BMPR1B: variants seen among roughly 807,000 people sequenced by gnomAD.
The protein encoded by BMPR1B is bone morphogenetic protein receptor type 1B.
Under a neutral mutation model 59.1 loss-of-function variants are expected in BMPR1B, and 12 were observed. That is an observed-to-expected ratio of 0.20 (90% confidence interval 0.13 to 0.33). The LOEUF (loss-of-function observed/expected upper bound fraction) is 0.33. Among genes scored for constraint, BMPR1B ranks in the 10% least tolerant of loss-of-function variants. The pLI is 1.00. For missense variants in BMPR1B, 550 were observed against 610.9 expected, an observed-to-expected ratio of 0.90 and a Z score of 1.05; for synonymous variants, 237 against 207.3, an observed-to-expected ratio of 1.14 and a Z score of -1.23.
chr4:95,077,384 G>A (rs980412515), intron 3 of BMPR1B, among the ~76,000 whole-genome samples: 6 of 152,096 alleles, frequency 3.9e-5, no homozygotes, highest in African/African-American at 9.7e-5. Flanking sequence ...GCCAGGCTCC[G>A]TTAAGAGTTA....
chr4:95,085,924 C>G (rs1235815028), intron 3 of BMPR1B, among the ~76,000 whole-genome samples: 1 of 151,932 alleles, frequency 6.6e-6, no homozygotes, highest in East Asian at 1.9e-4. Flanking sequence ...CAAGAAGAGA[C>G]AGGTTTTGTG....
intron 9 of BMPR1B, among the ~76,000 whole-genome samples, chr4:95,130,723 CTTTTTTTTTTTTTT>C (rs148720302): frequency 3.8e-5 from 3 of 77,930 alleles, no homozygotes; most frequent in Non-Finnish European, 6.7e-5. Context: ...CTTTTCTTTT[CTTTTTTTTTTTTTT>C]TTTTTTTTTT....
intron 2 of BMPR1B, among the ~76,000 whole-genome samples, chr4:94,911,351 G>C (rs1402627531): frequency 6.6e-6 from 1 of 152,068 alleles, no homozygotes; most frequent in African/African-American, 2.4e-5. Flanking sequence ...GCTGCCAGGT[G>C]GTAATGCCTG....
intron 2 of BMPR1B, among the ~76,000 whole-genome samples, chr4:94,993,760 C>CAAAAAAAAAAAAAA (rs34395946): frequency 1.5e-5 from 1 of 68,590 alleles, no homozygotes. Flanking sequence ...GACTCCATCT[C>CAAAAAAAAAAAAAA]AAAAAAAAAA....
At chr4:94,921,441 C>G (rs548696464) in intron 2 of BMPR1B, among the ~76,000 whole-genome samples, 65 of 152,198 alleles carry the variant, frequency 4.3e-4, no homozygotes, top group African/African-American at 1.4e-3. Flanking sequence ...GCTCCAGCAT[C>G]TGCTTGGCTT....
chr4:94,946,882 C>G (rs1370319222), intron 2 of BMPR1B, among the ~76,000 whole-genome samples: 1 of 152,096 alleles, frequency 6.6e-6, no homozygotes, highest in African/African-American at 2.4e-5. Context: ...GAAACCCCAT[C>G]TCTACCAAAA....
intron 3 of BMPR1B, among the ~76,000 whole-genome samples, chr4:95,072,773 A>G (rs2149222022): frequency 6.6e-6 from 1 of 152,332 alleles, no homozygotes; most frequent in Admixed American, 6.5e-5. Context: ...GAATAATAAT[A>G]AAGTAATAAA....
chr4:94,864,530 A>G (rs6851550), intron 1 of BMPR1B, among the ~76,000 whole-genome samples: 10,481 of 152,178 alleles, frequency 0.069, 918 homozygotes, highest in African/African-American at 0.21. Flanking sequence ...TCTAAGCTGT[A>G]TAGTTCTGTA....
chr4:95,083,203 A>C lies in BMPR1B; in HGVS notation c.-17-21205A>C, dbSNP rs530361977. Among the ~76,000 whole-genome samples the C allele has an allele frequency of 1.9e-4, 29 of 152,234 alleles. No homozygotes were observed. In the East Asian group the frequency reaches 5.4e-3, roughly 28 times the overall value. Reference sequence around the variant, plus strand: ...TTGAAGCTGGCAATATTTTTAACATAATCATCTCATTCCTATTAAGCATTC... The same window carrying C: ...TTGAAGCTGGCAATATTTTTAACATCATCATCTCATTCCTATTAAGCATTC... On this transcript the variant is annotated intron_variant, in intron 3 of 12. Coordinates refer to ENST00000515059, the MANE Select transcript of BMPR1B (RefSeq NM_001203.3).
At chr4:94,995,572 G>GC (rs1235273857) in intron 2 of BMPR1B, among the ~76,000 whole-genome samples, 1 of 152,072 alleles carries the variant, frequency 6.6e-6, no homozygotes, top group Non-Finnish European at 1.5e-5. Flanking sequence ...GTGTTGTTTG[G>GC]CCGAAACAAA....
chr4:95,133,714 G>A (rs992513970), intron 10 of BMPR1B, among the ~76,000 whole-genome samples: 3 of 151,862 alleles, frequency 2.0e-5, no homozygotes, highest in Admixed American at 6.6e-5. Flanking sequence ...TGGAACTTCA[G>A]GCATGTGCCA....
chr4:95,001,243 G>T (rs773730412), intron 3 of BMPR1B, among the ~76,000 whole-genome samples: 1 of 151,940 alleles, frequency 6.6e-6, no homozygotes, highest in Non-Finnish European at 1.5e-5. Flanking sequence ...AGCTTTTCTT[G>T]TCTGAGTGTA....
intron 2 of BMPR1B, among the ~76,000 whole-genome samples, chr4:94,938,104 A>C (rs1437655585): frequency 1.3e-5 from 2 of 152,148 alleles, no homozygotes; most frequent in Non-Finnish European, 2.9e-5. Flanking sequence ...ACAGAAAGAA[A>C]ATTTAGGGAA....
chr4:94,934,820 G>GT (rs1165841278), intron 2 of BMPR1B, among the ~76,000 whole-genome samples: 3 of 151,890 alleles, frequency 2.0e-5, no homozygotes, highest in Admixed American at 1.3e-4. Context: ...GTGCCTTTTT[G>GT]TTTTTTTGTT....
At chr4:95,103,591 A>C in intron 3 of BMPR1B, 1 of 614,726 alleles carries the variant, frequency 1.6e-6, no homozygotes, top group Non-Finnish European at 2.0e-6. Context: ...TGGTGTCTAT[A>C]ATTATCTCCA....
At chr4:94,878,812 G>C (rs939760971) in intron 2 of BMPR1B, among the ~76,000 whole-genome samples, 4 of 147,916 alleles carry the variant, frequency 2.7e-5, no homozygotes, top group African/African-American at 1.0e-4. Context: ...CAGTTCATGT[G>C]TTTTCTAGTT....
chr4:94,935,850 G>A (rs1238909468), intron 2 of BMPR1B, among the ~76,000 whole-genome samples: 2 of 152,138 alleles, frequency 1.3e-5, no homozygotes, highest in African/African-American at 2.4e-5. Flanking sequence ...ATATATATGG[G>A]CATATGATTT....
intron 10 of BMPR1B, among the ~76,000 whole-genome samples, chr4:95,142,949 C>G (rs1351609684): frequency 6.6e-6 from 1 of 152,068 alleles, no homozygotes; most frequent in East Asian, 1.9e-4. Context: ...AAAAACTCCC[C>G]CTTACTCCTT....
chr4:94,899,120 T>A (rs977153991), intron 2 of BMPR1B, among the ~76,000 whole-genome samples: 16 of 151,926 alleles, frequency 1.1e-4, no homozygotes, highest in African/African-American at 3.9e-4. Flanking sequence ...TTTGCATCGG[T>A]CTAGTCTCTT....
Sources: gnomAD v4.1 joint callset for allele counts (sites outside exome capture counted in the v4.1 genomes callset) on GRCh38, gnomAD v4.1.1 for gene constraint, MANE v1.5 for transcripts, NCBI Gene and HGNC (gene_info 2026-07-23, HGNC 2026-07-21) for gene names.